The following BAALC variants were observed in gnomAD, a reference collection of about 807,000 sequenced individuals.
The protein encoded by BAALC is BAALC binder of MAP3K1 and KLF4.
In BAALC, 9 loss-of-function variants were observed where a neutral mutation model predicts 15.5. The observed-to-expected ratio is 0.58, with a 90% CI of 0.35 to 1.02. The LOEUF is 1.02. Ranked by LOEUF, BAALC falls within the 50% of genes least tolerant of loss-of-function variation. The pLI, the probability that BAALC is intolerant of heterozygous loss-of-function variation, is 0.02. For missense variants in BAALC, 201 were observed against 192.4 expected (o/e 1.04, Z -0.27); for synonymous variants, 80 against 74.6 (o/e 1.07, Z -0.37).
At chr8:103,155,322 T>C (rs1056842698) in intron 1 of BAALC, among the ~76,000 whole-genome samples, 1 of 119,542 alleles carries the variant, frequency 8.4e-6, no homozygotes, top group Non-Finnish European at 1.8e-5. Context: ...AATTCTCTAA[T>C]GTAATAATAA....
At chr8:103,197,430 A>G (rs1812120608) in intron 1 of BAALC, among the ~76,000 whole-genome samples, 1 of 152,178 alleles carries the variant, frequency 6.6e-6, no homozygotes. Flanking sequence ...TTCCAACTCC[A>G]TGATCTTAGA....
intron 2 of BAALC, among the ~76,000 whole-genome samples, chr8:103,217,825 TCAA>T (rs1175803416): frequency 1.3e-5 from 2 of 152,246 alleles, no homozygotes; most frequent in African/African-American, 4.8e-5. Flanking sequence ...GATTCATTCA[TCAA>T]ATGTTCATTG....
chr8:103,159,429 TC>T (rs1370878554), intron 1 of BAALC, among the ~76,000 whole-genome samples: 2 of 152,216 alleles, frequency 1.3e-5, no homozygotes, highest in African/African-American at 2.4e-5. Flanking sequence ...TTTCCCCACA[TC>T]CTTTTTGGCT....
chr8:103,149,506 C>T (rs532668814), intron 1 of BAALC, among the ~76,000 whole-genome samples: 1 of 152,266 alleles, frequency 6.6e-6, no homozygotes, highest in African/African-American at 2.4e-5. Flanking sequence ...GAAAATAATG[C>T]CTCTCTCAGC....
rs146218733 is a variant in BAALC at position 103,214,331 on chromosome 8, T to C, written c.327+1246T>C. Among the ~76,000 whole-genome samples, 355 of 152,362 alleles carry C rather than the reference T, an allele frequency of 2.3e-3. 4 individuals carry two copies. Among genetic ancestry groups the C allele is most frequent in the Middle Eastern group, 0.017 (5 of 294 alleles). On this transcript the variant is annotated intron_variant, in intron 2 of 2. Coordinates refer to ENST00000309982, the MANE Select transcript of BAALC (RefSeq NM_024812.3). ...ACAGTGGTGATCTATATGTCAGATA[T>C]GTAGTCTGTAACAAAGCTAGTGGAT...
chr8:103,206,861 G>GCCT (rs1812343990), intron 1 of BAALC, among the ~76,000 whole-genome samples: 3 of 152,122 alleles, frequency 2.0e-5, no homozygotes, highest in African/African-American at 7.2e-5. Flanking sequence ...CTGATCCTAT[G>GCCT]GGTCACTTTG....
chr8:103,222,954 T>C (rs1812712062), intron 2 of BAALC, among the ~76,000 whole-genome samples: 1 of 152,228 alleles, frequency 6.6e-6, no homozygotes, highest in African/African-American at 2.4e-5. Context: ...TTGAGGTGAC[T>C]AACCGTCCTG....
At chr8:103,197,960 G>T in intron 1 of BAALC, 2 of 561,456 alleles carry the variant, frequency 3.6e-6, no homozygotes, top group South Asian at 4.8e-5. Context: ...TCATCCCAAC[G>T]ATGCCCAGTC....
chr8:103,224,853 T>C lies in BAALC; in HGVS notation c.328-3136T>C, dbSNP rs997065292. ...AGTCAGATTGCAAAGTAAGTCACGA[T>C]ATACAGGGTTAAATAAAACCCATCT... On this transcript the variant is annotated intron_variant, in intron 2 of 2. Transcript: ENST00000309982. Among the ~76,000 whole-genome samples the C allele has an allele frequency of 3.3e-5, 5 of 152,300 alleles. No individual in the cohort carries two copies. The East Asian group carries it at 9.6e-4, about 29-fold the overall frequency.
intron 1 of BAALC, among the ~76,000 whole-genome samples, chr8:103,186,496 C>G (rs939998648): frequency 1.3e-5 from 2 of 152,174 alleles, no homozygotes; most frequent in African/African-American, 4.8e-5. Context: ...ATAAATGGAT[C>G]TGGTTACTTT....
chr8:103,183,521 A>T, intron 1 of BAALC: 1 of 693,118 alleles, frequency 1.4e-6, no homozygotes, highest in East Asian at 2.7e-5. Flanking sequence ...GTATGGGACA[A>T]CTCTGCAAAA....
intron 1 of BAALC, among the ~76,000 whole-genome samples, chr8:103,156,474 T>C (rs1327129967): frequency 6.6e-6 from 1 of 152,206 alleles, no homozygotes; most frequent in African/African-American, 2.4e-5. Flanking sequence ...GGGATTCTCC[T>C]TGCCTTGGGC....
intron 1 of BAALC, among the ~76,000 whole-genome samples, chr8:103,194,831 A>T (rs1487395663): frequency 6.6e-6 from 1 of 152,190 alleles, no homozygotes; most frequent in Non-Finnish European, 1.5e-5. Context: ...ATGGTGGAAG[A>T]GCAAAAAATG....
At chr8:103,161,878 T>C (rs540870269) in intron 1 of BAALC, among the ~76,000 whole-genome samples, 1 of 152,308 alleles carries the variant, frequency 6.6e-6, no homozygotes, top group South Asian at 2.1e-4. Context: ...GAAGTTGCCA[T>C]CTTTTTATAC....
At chr8:103,187,897 C>CT (rs1019841067) in intron 1 of BAALC, among the ~76,000 whole-genome samples, 1 of 152,070 alleles carries the variant, frequency 6.6e-6, no homozygotes, top group Admixed American at 6.5e-5. Flanking sequence ...TCTTTTGTGA[C>CT]TTAGTGTCCA....
At chr8:103,222,666 T>A (rs1258590436) in intron 2 of BAALC, among the ~76,000 whole-genome samples, 1 of 152,198 alleles carries the variant, frequency 6.6e-6, no homozygotes, top group Non-Finnish European at 1.5e-5. Context: ...AGAAAATGCA[T>A]TGTTGTTCTA....
chr8:103,159,546 C>T (rs1421821278), intron 1 of BAALC, among the ~76,000 whole-genome samples: 3 of 152,098 alleles, frequency 2.0e-5, no homozygotes, highest in African/African-American at 7.2e-5. Flanking sequence ...TTTCTTAAAG[C>T]GTCATGATGG....
At chr8:103,167,392 G>A (rs1811372661) in intron 1 of BAALC, among the ~76,000 whole-genome samples, 1 of 152,176 alleles carries the variant, frequency 6.6e-6, no homozygotes, top group Admixed American at 6.5e-5. Flanking sequence ...ACAGCCTTAT[G>A]ACTATGGATC....
At chr8:103,176,906 G>A (rs1184976146) in intron 1 of BAALC, among the ~76,000 whole-genome samples, 3 of 152,142 alleles carry the variant, frequency 2.0e-5, no homozygotes, top group Non-Finnish European at 4.4e-5. Flanking sequence ...ATGCCTTCCT[G>A]CTGTGCTACC....
Sources: gnomAD v4.1 joint callset for allele counts (sites outside exome capture counted in the v4.1 genomes callset) on GRCh38, gnomAD v4.1.1 for gene constraint, MANE v1.5 for transcripts, NCBI Gene and HGNC (gene_info 2026-07-23, HGNC 2026-07-21) for gene names.